The following NT5DC1 variants were observed in gnomAD, a reference collection of about 807,000 sequenced individuals.
The protein encoded by NT5DC1 is 5'-nucleotidase domain-containing protein 1.
In NT5DC1, 42 loss-of-function variants were observed where a neutral mutation model predicts 59.4. The observed-to-expected ratio is 0.71, with a 90% CI of 0.55 to 0.92. The LOEUF is 0.92. Ranked by LOEUF, NT5DC1 falls within the 40% of genes least tolerant of loss-of-function variation. The pLI is 0.00. For synonymous variants in NT5DC1, 172 were observed against 188.1 expected, an observed-to-expected ratio of 0.91 and a Z score of 0.70; for missense variants, 501 against 537.1, an observed-to-expected ratio of 0.93 and a Z score of 0.66.
chr6:116,235,279 G>C lies in NT5DC1; in HGVS notation c.803-1687G>C, dbSNP rs191919087. Among the ~76,000 whole-genome samples the C allele has an allele frequency of 8.5e-5, 13 of 152,176 alleles. No individual in the cohort carries two copies. The East Asian group carries it at 2.5e-3, about 29-fold the overall frequency. On this transcript the variant is annotated intron_variant, in intron 8 of 11. Coordinates refer to ENST00000319550, the MANE Select transcript of NT5DC1 (RefSeq NM_152729.3). ...AGTAAGACATTTCAGTAAATAAACAGACATGAGAAGTGATCACTTTTTACT... is the reference window on the plus strand; with the variant it reads ...AGTAAGACATTTCAGTAAATAAACACACATGAGAAGTGATCACTTTTTACT...
intron 6 of NT5DC1, among the ~76,000 whole-genome samples, chr6:116,166,680 T>C (rs1388166458): frequency 6.6e-6 from 1 of 152,208 alleles, no homozygotes. Context: ...GTAGTGTATT[T>C]CAAAAGTTAA....
At chr6:116,212,187 C>T (rs1781593901) in intron 6 of NT5DC1, among the ~76,000 whole-genome samples, 1 of 151,932 alleles carries the variant, frequency 6.6e-6, no homozygotes, top group Non-Finnish European at 1.5e-5. Context: ...TGATTTGAAA[C>T]TTTAGTATGT....
intron 6 of NT5DC1, among the ~76,000 whole-genome samples, chr6:116,179,324 A>G (rs1029240647): frequency 1.3e-4 from 20 of 152,314 alleles, no homozygotes; most frequent in African/African-American, 4.6e-4. Context: ...TTACATTCTT[A>G]TACTGATCAG....
Position 116,221,134 on chromosome 6 carries a change from T to C in NT5DC1, c.610T>C (p.Trp204Arg). Residue 204 changes from tryptophan (W) to arginine (R), a missense_variant, in exon 7 of 12, where the codon TGG (tryptophan) becomes CGG (arginine). Transcript: ENST00000319550. The stretch of plus-strand genomic sequence containing the variant: ...TAGTTGTCCTGAATCTGTGAAAAAA[T>C]GGCTTCGACAGCTAAAGAATGCTGG... ...LHSCPESVKK[W>R]LRQLKNAGKI... The C allele has an allele frequency of 6.3e-7, 1 of 1,581,356 alleles. No homozygotes were observed. The highest frequency in any genetic ancestry group is 8.7e-7 in the Non-Finnish European group (1 of 1,151,074).
intron 6 of NT5DC1, among the ~76,000 whole-genome samples, chr6:116,152,836 G>T (rs181153156): frequency 1.1e-4 from 16 of 152,094 alleles, no homozygotes; most frequent in Non-Finnish European, 4.4e-5. Context: ...GCTAAATCCA[G>T]TTATTTATTT....
chr6:116,158,312 A>G (rs906355193), intron 6 of NT5DC1, among the ~76,000 whole-genome samples: 1 of 152,090 alleles, frequency 6.6e-6, no homozygotes, highest in East Asian at 1.9e-4. Flanking sequence ...CTGTGCATCT[A>G]CATGGATGCT....
intron 6 of NT5DC1, among the ~76,000 whole-genome samples, chr6:116,134,584 C>T (rs976342282): frequency 1.3e-5 from 2 of 152,154 alleles, no homozygotes; most frequent in African/African-American, 2.4e-5. Flanking sequence ...TTGCCTCATG[C>T]TTGTGGATGC....
intron 6 of NT5DC1, among the ~76,000 whole-genome samples, chr6:116,149,883 T>C (rs1342580043): frequency 6.6e-6 from 1 of 152,200 alleles, no homozygotes; most frequent in Non-Finnish European, 1.5e-5. Flanking sequence ...AAACCAGCAT[T>C]AGGACTTAAC....
At chr6:116,192,841 G>A (rs947708087) in intron 6 of NT5DC1, among the ~76,000 whole-genome samples, 1 of 151,950 alleles carries the variant, frequency 6.6e-6, no homozygotes, top group Non-Finnish European at 1.5e-5. Flanking sequence ...CCTACTATTG[G>A]AAGGTGTGTC....
intron 6 of NT5DC1, among the ~76,000 whole-genome samples, chr6:116,194,813 A>G (rs1781191421): frequency 6.6e-6 from 1 of 152,082 alleles, no homozygotes; most frequent in South Asian, 2.1e-4. Context: ...GTATGGAGCT[A>G]GAACCTATTC....
chr6:116,222,352 A>G (rs1200063324), intron 7 of NT5DC1, among the ~76,000 whole-genome samples: 1 of 152,096 alleles, frequency 6.6e-6, no homozygotes, highest in Admixed American at 6.5e-5. Context: ...CTTAATTTCT[A>G]TGTATTGCTG....
intron 8 of NT5DC1, among the ~76,000 whole-genome samples, chr6:116,233,303 A>G (rs1254289908): frequency 6.6e-6 from 1 of 152,232 alleles, no homozygotes; most frequent in Non-Finnish European, 1.5e-5. Flanking sequence ...GAAAATAATA[A>G]ACTATAAAAT....
intron 6 of NT5DC1, among the ~76,000 whole-genome samples, chr6:116,124,134 TTAAG>T (rs1359338337): frequency 1.3e-5 from 2 of 152,158 alleles, no homozygotes; most frequent in African/African-American, 4.8e-5. Context: ...TTTTCAAATA[TTAAG>T]TTTCCTTTTG....
intron 6 of NT5DC1, among the ~76,000 whole-genome samples, chr6:116,124,915 A>C (rs1421722286): frequency 1.3e-5 from 2 of 152,130 alleles, no homozygotes; most frequent in Non-Finnish European, 1.5e-5. Context: ...GGGCTAGTTG[A>C]ATTAGTTTTA....
chr6:116,160,677 G>A lies in NT5DC1; in HGVS notation c.529+42732G>A, dbSNP rs529034114. Among the ~76,000 whole-genome samples, 10 of 152,148 alleles carry A rather than the reference G, an allele frequency of 6.6e-5. No homozygotes were observed. The South Asian group carries it at 1.5e-3, about 22-fold the overall frequency. The stretch of plus-strand genomic sequence containing the variant: ...TGTTGCATTTGTTGTTGAGGTCTTC[G>A]TCATAAATTCTTTGCCTAGGCCAGT... On this transcript the variant is annotated intron_variant, in intron 6 of 11. Transcript: ENST00000319550.
intron 6 of NT5DC1, among the ~76,000 whole-genome samples, chr6:116,159,456 C>T (rs11752488): frequency 0.036 from 5,525 of 152,182 alleles, 143 homozygotes; most frequent in Non-Finnish European, 0.057. Context: ...TTAAAGTATA[C>T]CATGCATTAT....
In NT5DC1 at chr6:116,210,438, G is replaced by T. The variant is rs193147754; in HGVS notation, c.530-10616G>T. On this transcript the variant is annotated intron_variant, in intron 6 of 11. Transcript: ENST00000319550. The stretch of plus-strand genomic sequence containing the variant: ...GAGTCCCCAAATGCCTTGTAACTGG[G>T]CAGTATTGCACAAGCTCCGAAAGCA... Among the ~76,000 whole-genome samples the T allele has an allele frequency of 5.1e-3, 772 of 151,944 alleles. 7 individuals carry two copies. The highest frequency in any genetic ancestry group is 0.017 in the African/African-American group (714 of 41,470).
chr6:116,178,085 G>C (rs1216725554), intron 6 of NT5DC1, among the ~76,000 whole-genome samples: 1 of 78,176 alleles, frequency 1.3e-5, no homozygotes, highest in Non-Finnish European at 2.7e-5. Flanking sequence ...GTGTGTGTGT[G>C]TGTGCGCGCG....
At chr6:116,190,040 C>A (rs1358167247) in intron 6 of NT5DC1, among the ~76,000 whole-genome samples, 1 of 151,924 alleles carries the variant, frequency 6.6e-6, no homozygotes, top group Non-Finnish European at 1.5e-5. Flanking sequence ...CAGATTATTT[C>A]ATCTCTCTGA....
Sources: allele counts gnomAD v4.1 joint callset (sites outside exome capture counted in the v4.1 genomes callset), GRCh38; gene constraint gnomAD v4.1.1; transcripts MANE v1.5; gene names NCBI Gene and HGNC (gene_info 2026-07-23, HGNC 2026-07-21).